LAMA3: variants seen among roughly 807,000 people sequenced by gnomAD.
LAMA3 encodes the protein laminin subunit alpha-3.
In LAMA3, 281 loss-of-function variants were observed where a neutral mutation model predicts 402.0. That is an observed-to-expected ratio of 0.70 (90% CI 0.63 to 0.77). The LOEUF (loss-of-function observed/expected upper bound fraction) is 0.77, where lower values mean the gene tolerates loss of function less well. Ranked by LOEUF, LAMA3 falls within the 30% of genes least tolerant of loss-of-function variation. The pLI, the probability that LAMA3 is intolerant of heterozygous loss-of-function variation, is 0.00. For missense variants in LAMA3, 3,840 were observed against 4,215.5 expected (o/e 0.91, Z 2.47); for synonymous variants, 1,431 against 1,558.4 (o/e 0.92, Z 1.93).
In LAMA3 at chr18:23,921,050, A is replaced by G; in HGVS notation, c.8039A>G (p.His2680Arg). Residue 2680 changes from histidine to arginine, a missense_variant, in exon 61 of 75, where the codon CAT (histidine) becomes CGT (arginine). This residue lies in a region of LAMA3 where 840 missense variants were observed against 981.9 expected (regional missense o/e 0.86). Transcript: ENST00000313654. ...VGDAINNGRD[H>R]SIQIKIGKLQ... ...GACGCCATAAACAACGGCAGAGACC[A>G]TTCGGTACACCTTTTGAGTCTGTTT... is the stretch of plus-strand genomic sequence containing the variant. The G allele has an allele frequency of 6.2e-7, 1 of 1,614,080 alleles. No individual in the cohort carries two copies. Among genetic ancestry groups the G allele is most frequent in the Non-Finnish European group, 8.5e-7 (1 of 1,180,004 alleles).
Position 23,781,849 on chromosome 18 carries a change from G to T in LAMA3, c.1469-2174G>T, listed in dbSNP as rs45510893. ...CATCTGCTGCTTCTAAAGTGCCTTT[G>T]CTGGAAACAGTCAGTATGCTAAAAT... On this transcript the variant is annotated intron_variant, in intron 11 of 74. Coordinates refer to ENST00000313654, the MANE Select transcript of LAMA3 (RefSeq NM_198129.4). Among the ~76,000 whole-genome samples the T allele has an allele frequency of 8.4e-3, 1,284 of 152,290 alleles. 6 individuals carry two copies. Among genetic ancestry groups the T allele is most frequent in the Non-Finnish European group, 0.013 (861 of 68,012 alleles).
At chr18:23,916,859 A>G (rs2081644372) in intron 60 of LAMA3, among the ~76,000 whole-genome samples, 164 bp downstream of exon 60, 1 of 151,912 alleles carries the variant, frequency 6.6e-6, no homozygotes, top group Non-Finnish European at 1.5e-5. Context: ...TTGGCTGGGA[A>G]ATGTACTTTT....
At chr18:23,823,206 A>G (rs1165837596) in intron 20 of LAMA3, among the ~76,000 whole-genome samples, 2 of 152,178 alleles carry the variant, frequency 1.3e-5, no homozygotes, top group Non-Finnish European at 2.9e-5. Context: ...CATCATTCAC[A>G]GAGTAATTTA....
intron 24 of LAMA3, 169 bp downstream of exon 24, chr18:23,834,157 G>A: frequency 1.4e-6 from 1 of 730,362 alleles, no homozygotes; most frequent in Admixed American, 2.0e-5. Flanking sequence ...TGTGGGTATT[G>A]GGAGTCCTCT....
At chr18:23,783,696 A>G (rs2062482091) in intron 11 of LAMA3, among the ~76,000 whole-genome samples, 1 of 152,236 alleles carries the variant, frequency 6.6e-6, no homozygotes, top group Admixed American at 6.5e-5. Context: ...CACGATTGTC[A>G]TGAGATGGGA....
chr18:23,750,797 G>A (rs2061736439), intron 4 of LAMA3, 121 bp from the exon 5 acceptor site: 4 of 1,004,570 alleles, frequency 4.0e-6, no homozygotes, highest in African/African-American at 1.6e-5. Flanking sequence ...GACCCCCTAC[G>A]AATATCAAAT....
At chr18:23,806,098 GA>G (rs1210296852) in intron 12 of LAMA3, among the ~76,000 whole-genome samples, 1 of 152,212 alleles carries the variant, frequency 6.6e-6, no homozygotes, top group Non-Finnish European at 1.5e-5. Flanking sequence ...ATAGGTCTCT[GA>G]GTCAGACTAT....
At chr18:23,936,245 A>T (rs138928598) in intron 67 of LAMA3, among the ~76,000 whole-genome samples, 3,838 of 150,934 alleles carry the variant, frequency 0.025, 155 homozygotes, top group African/African-American at 0.087. Flanking sequence ...ATATATATAT[A>T]TTTTTTATTA....
Position 23,953,040 on chromosome 18 carries a change from T to C in LAMA3, c.9787T>C (p.Tyr3263His). The C allele has an allele frequency of 6.2e-7, 1 of 1,614,118 alleles. No homozygotes were observed. The highest frequency in any genetic ancestry group is 8.5e-7 in the Non-Finnish European group (1 of 1,179,996). Residue 3263 changes from tyrosine (Y) to histidine (H), a missense_variant, in exon 74 of 75, where the codon TAC (tyrosine) becomes CAC (histidine). Around this residue, in one of 3 missense-constraint regions of LAMA3, gnomAD observed 840 missense variants for 981.9 expected, o/e 0.86. Transcript: ENST00000313654. ...CCTGGAACTGGACACAGACAGTAGC[T>C]ACACAGCTGGACAGATCCCCTTCCC... ...LHLELDTDSS[Y>H]TAGQIPFPPA... is the part of the protein sequence containing the mutation.
rs751257936 is a variant in LAMA3, at chr18:23,775,926, A to G, written c.1405+3A>G. 5 of 1,614,058 alleles carry G rather than the reference A, an allele frequency of 3.1e-6. No homozygotes were observed. The highest frequency in any genetic ancestry group is 4.2e-6 in the Non-Finnish European group (5 of 1,180,046). Reference sequence around the variant, plus strand: ...CTACAATTTCCCATTTTGCTTGAGTAAGTACCCACTGCAGAACAAGAGGCC... The same window carrying G: ...CTACAATTTCCCATTTTGCTTGAGTGAGTACCCACTGCAGAACAAGAGGCC... On this transcript the variant is annotated splice_donor_region_variant and intron_variant, in intron 10 of 74. Transcript: ENST00000313654.
At chr18:23,799,895 C>G (rs1305220757) in intron 12 of LAMA3, among the ~76,000 whole-genome samples, 4 of 152,192 alleles carry the variant, frequency 2.6e-5, no homozygotes, top group Non-Finnish European at 4.4e-5. Flanking sequence ...CAGAATTCCT[C>G]CCTCTTCTTC....
intron 66 of LAMA3, 110 bp from the exon 67 acceptor site, chr18:23,933,672 C>G (rs2057564163): frequency 1.7e-6 from 2 of 1,169,742 alleles, no homozygotes; most frequent in South Asian, 2.6e-5. Context: ...ATTAACCAAC[C>G]CCTCTTCATC....
intron 55 of LAMA3, among the ~76,000 whole-genome samples, chr18:23,911,599 G>A (rs1396843606): frequency 2.0e-5 from 3 of 151,122 alleles, no homozygotes; most frequent in Non-Finnish European, 4.4e-5. Context: ...ATATTAGAAG[G>A]AAAAAATGGT....
At chr18:23,744,655 C>A (rs2061617694) in intron 2 of LAMA3, among the ~76,000 whole-genome samples, 1 of 151,752 alleles carries the variant, frequency 6.6e-6, no homozygotes, top group Non-Finnish European at 1.5e-5. Flanking sequence ...CACGGTGAAA[C>A]CCCGTCTCTA....
intron 24 of LAMA3, among the ~76,000 whole-genome samples, chr18:23,835,797 G>A (rs2063570473): frequency 6.6e-6 from 1 of 152,044 alleles, no homozygotes; most frequent in South Asian, 2.1e-4. Context: ...TTTCAGTGTT[G>A]CAGCATCTTC....
In LAMA3 at chr18:23,949,925, G is replaced by C; in HGVS notation, c.9511+1G>C. 6.2e-7 allele frequency: 1 copy of C among 1,614,120 alleles called. No homozygotes were observed. Among genetic ancestry groups the C allele is most frequent in the Non-Finnish European group, 8.5e-7 (1 of 1,180,042 alleles). ...GAAGAAGGAGGTCATGTCGTCTTGGGTAAGGAGCAGTTCTATAGAATTTAA... is the reference window on the plus strand; with the variant it reads ...GAAGAAGGAGGTCATGTCGTCTTGGCTAAGGAGCAGTTCTATAGAATTTAA... On this transcript the variant is annotated splice_donor_variant, in intron 71 of 74. Transcript: ENST00000313654. LOFTEE classifies it high-confidence loss of function.
rs2081714417 is a variant in LAMA3 at position 23,918,419 on chromosome 18, C to T, written c.7923+1724C>T. ...AAAACATGTGAAAACTTCCTGGGATCTCTAAGATCTAGACTGACTTCCTGC... is the reference window on the plus strand; with the variant it reads ...AAAACATGTGAAAACTTCCTGGGATTTCTAAGATCTAGACTGACTTCCTGC... On this transcript the variant is annotated intron_variant, in intron 60 of 74. Transcript: ENST00000313654. This position sits in a 1 kb window ranked among gnomAD's most constrained non-coding sequence, Gnocchi z 4.1. 6.6e-6 allele frequency among the ~76,000 whole-genome samples: 1 copy of T among 152,332 alleles called. No homozygotes were observed. Among genetic ancestry groups the T allele is most frequent in the South Asian group, 2.1e-4 (1 of 4,822 alleles).
chr18:23,784,183 C>G (rs765184269), intron 12 of LAMA3, 26 bp downstream of exon 12: 1 of 1,613,320 alleles, frequency 6.2e-7, no homozygotes, highest in South Asian at 1.1e-5. Flanking sequence ...ATAGCATATT[C>G]ATAATCAATC....
intron 11 of LAMA3, among the ~76,000 whole-genome samples, chr18:23,779,753 T>G (rs1261356956): frequency 6.6e-6 from 1 of 151,958 alleles, no homozygotes; most frequent in Non-Finnish European, 1.5e-5. Context: ...TCCAGGAATG[T>G]GGGTGGGAGG....
Sources: gnomAD v4.1 joint callset for allele counts (sites outside exome capture counted in the v4.1 genomes callset) on GRCh38, gnomAD v4.1.1 for gene constraint, gnomAD v4.1.1 regional missense constraint, Gnocchi (gnomAD v3.1) non-coding constraint, MANE v1.5 for transcripts, NCBI Gene and HGNC (gene_info 2026-07-23, HGNC 2026-07-21) for gene names.